The following RRN3 variants were observed in gnomAD, a reference collection of about 807,000 sequenced individuals.
RRN3 encodes RNA polymerase I transcription factor RRN3.
A neutral mutation model predicts 82.3 loss-of-function variants in RRN3; 38 were observed. The observed-to-expected ratio is 0.46, with a 90% CI of 0.36 to 0.61. The LOEUF (loss-of-function observed/expected upper bound fraction) is 0.61, where lower values mean the gene tolerates loss of function less well. Ranked by LOEUF, RRN3 falls within the 20% of genes least tolerant of loss-of-function variation. The probability of loss-of-function intolerance (pLI) is 0.00; values close to 1 mark genes in which losing one functional copy is unlikely to be tolerated. For synonymous variants in RRN3, 284 were observed against 284.3 expected (o/e 1.00, Z 0.01); for missense variants, 726 against 793.1 (o/e 0.92, Z 1.02).
chr16:15,082,393 C>T (rs910288100), intron 8 of RRN3, among the ~76,000 whole-genome samples: 2 of 151,962 alleles, frequency 1.3e-5, no homozygotes, highest in Non-Finnish European at 1.5e-5. Flanking sequence ...TCAATCTCGG[C>T]CGGTCACGGT....
At chr16:15,082,855 A>C (rs1187582063) in intron 8 of RRN3, among the ~76,000 whole-genome samples, 34 of 152,210 alleles carry the variant, frequency 2.2e-4, no homozygotes, top group Admixed American at 2.2e-3. Flanking sequence ...TCTTCTATGG[A>C]AGGCTTTGTC....
intron 3 of RRN3, among the ~76,000 whole-genome samples, chr16:15,089,566 C>T (rs1212506459): frequency 2.0e-5 from 3 of 151,948 alleles, no homozygotes; most frequent in Admixed American, 1.3e-4. Flanking sequence ...TTTGGGAGGC[C>T]AAGGCGGGCG....
At chr16:15,069,524 A>C (rs957035215) in intron 14 of RRN3, among the ~76,000 whole-genome samples, 5 of 152,218 alleles carry the variant, frequency 3.3e-5, no homozygotes, top group Non-Finnish European at 7.3e-5. Flanking sequence ...GAAATTAGCA[A>C]AACAATACTG....
At position 15,076,666 on chromosome 16, in the gene RRN3, A is replaced by G. The variant is rs746469915; in HGVS notation, c.766-16T>C. On this transcript the variant is annotated splice_polypyrimidine_tract_variant and intron_variant, in intron 9 of 17. Coordinates refer to ENST00000198767, the MANE Select transcript of RRN3 (RefSeq NM_018427.5). ...ATGCATTCACCTATAACAAAGGGAG[A>G]AAAAAAAAGAATAAAAGGATTTAAA... 26 of 1,486,190 alleles carry G rather than the reference A, an allele frequency of 1.7e-5. No individual in the cohort carries two copies. Among genetic ancestry groups the G allele is most frequent in the African/African-American group, 2.8e-5 (2 of 71,924 alleles). The allele number at this position is 1,486,190 out of a possible 1,614,324, so 92.1% of individuals were successfully genotyped here. A position where few individuals can be genotyped will look rare whatever the true frequency, so the allele number is the denominator to read the frequency against.
rs2045473266 is a variant in RRN3, at chr16:15,076,745, A to G, written c.766-95T>C. The G allele has an allele frequency of 7.1e-6, 6 of 848,070 alleles. No individual in the cohort carries two copies. In the South Asian group the frequency reaches 8.9e-5, roughly 13 times the overall value. The allele number at this position is 848,070 out of a possible 1,614,324, so 52.5% of individuals were successfully genotyped here. On this transcript the variant is annotated intron_variant, in intron 9 of 17. Coordinates refer to ENST00000198767, the MANE Select transcript of RRN3 (RefSeq NM_018427.5). The stretch of plus-strand genomic sequence containing the variant: ...AATTCATCTGATATACGCATGTTCA[A>G]GGTGTCCAGATTAGTGCCTTATATC...
chr16:15,085,744 C>T, intron 5 of RRN3, 46 bp from the exon 6 acceptor site: 1 of 1,609,246 alleles, frequency 6.2e-7, no homozygotes, highest in Non-Finnish European at 8.5e-7. Flanking sequence ...TTGATCTAGA[C>T]AATGAATGGC....
chr16:15,074,244 T>C (rs1209703450), intron 11 of RRN3, among the ~76,000 whole-genome samples: 1 of 152,246 alleles, frequency 6.6e-6, no homozygotes, highest in East Asian at 1.9e-4. Flanking sequence ...GAGCTCATCT[T>C]AAATCTTAGC....
At chr16:15,069,336 C>T (rs2045121763) in intron 14 of RRN3, among the ~76,000 whole-genome samples, 1 of 152,194 alleles carries the variant, frequency 6.6e-6, no homozygotes, top group African/African-American at 2.4e-5. Flanking sequence ...GGCAATCGTG[C>T]AGGGTTCAGA....
intron 6 of RRN3, 44 bp from the exon 7 acceptor site, chr16:15,084,749 G>A (rs749387241): frequency 7.4e-7 from 1 of 1,357,860 alleles, no homozygotes; most frequent in South Asian, 1.2e-5. Context: ...AAACAAAACT[G>A]AAGGGCGACA....
rs55852324 is a variant in RRN3, at chr16:15,072,245, C to CAA, written c.1128+703_1128+704dup. ...AAGCCTTCTACATTCTTTCCCCCAC[C>CAA]AAAAAAAAAAAAAAAAGAAGAAGAA... On this transcript the variant is annotated intron_variant, in intron 12 of 17. Coordinates refer to ENST00000198767, the MANE Select transcript of RRN3 (RefSeq NM_018427.5). Among the ~76,000 whole-genome samples the CAA allele has an allele frequency of 7.4e-3, 993 of 133,450 alleles. 10 individuals are homozygous for CAA. Among genetic ancestry groups the CAA allele is most frequent in the African/African-American group, 0.025 (890 of 35,392 alleles). 87.5% of individuals were successfully genotyped at this position (133,450 alleles called of 152,430 possible).
intron 17 of RRN3, among the ~76,000 whole-genome samples, chr16:15,062,124 G>C (rs1026197297): frequency 5.3e-5 from 8 of 152,194 alleles, no homozygotes; most frequent in South Asian, 2.1e-4. Flanking sequence ...AATCCAGCCT[G>C]GGCAACATAG....
At chr16:15,089,533 A>G (rs996286520) in intron 3 of RRN3, among the ~76,000 whole-genome samples, 1 of 151,456 alleles carries the variant, frequency 6.6e-6, no homozygotes, top group Non-Finnish European at 1.5e-5. Flanking sequence ...GGGCGTGGTT[A>G]CTCACGCCTC....
rs566140041 is a variant in RRN3 at position 15,077,498 on chromosome 16, C to T, written c.766-848G>A. On this transcript the variant is annotated intron_variant, in intron 9 of 17. Coordinates refer to ENST00000198767, the MANE Select transcript of RRN3 (RefSeq NM_018427.5). Reference sequence around the variant, plus strand: ...CATGTAAGAAGTGCCTTTCACCTCCCGCCATGATTCTGAGGCCTCCCCAGC... The same window carrying T: ...CATGTAAGAAGTGCCTTTCACCTCCTGCCATGATTCTGAGGCCTCCCCAGC... 4.4e-3 allele frequency among the ~76,000 whole-genome samples: 676 copies of T among 152,198 alleles called. 4 individuals are homozygous for T. Among genetic ancestry groups the T allele is most frequent in the Non-Finnish European group, 7.6e-3 (515 of 68,020 alleles).
intron 16 of RRN3, among the ~76,000 whole-genome samples, chr16:15,064,799 C>A (rs1362863199): frequency 4.6e-5 from 7 of 152,226 alleles, no homozygotes; most frequent in African/African-American, 1.4e-4. Flanking sequence ...TGCTCATCAA[C>A]AGCGAGGAAG....
At chr16:15,083,323 C>T (rs528376294) in intron 8 of RRN3, among the ~76,000 whole-genome samples, 190 bp downstream of exon 8, 6 of 152,020 alleles carry the variant, frequency 3.9e-5, no homozygotes, top group African/African-American at 1.4e-4. Flanking sequence ...CGCTTGAACC[C>T]GAGAGGCAGA....
intron 3 of RRN3, among the ~76,000 whole-genome samples, chr16:15,090,873 G>GTT (rs4012873): frequency 4.7e-5 from 6 of 128,188 alleles, no homozygotes; most frequent in Non-Finnish European, 6.7e-5. Context: ...TCAGTGGTTT[G>GTT]TTTTTTTTTT....
intron 17 of RRN3, among the ~76,000 whole-genome samples, chr16:15,062,952 T>G (rs1186380874): frequency 6.6e-6 from 1 of 152,150 alleles, no homozygotes. Context: ...AGCCTTGACC[T>G]CCCACCTCAG....
At chr16:15,074,150 A>G (rs975161435) in intron 11 of RRN3, among the ~76,000 whole-genome samples, 2 of 152,206 alleles carry the variant, frequency 1.3e-5, no homozygotes, top group African/African-American at 4.8e-5. Context: ...TTCTCTAATC[A>G]ACATGTATTA....
At chr16:15,063,704 CAAAAAA>C (rs10664930) in intron 16 of RRN3, among the ~76,000 whole-genome samples, 6 of 89,130 alleles carry the variant, frequency 6.7e-5, no homozygotes, top group Non-Finnish European at 8.1e-5. Flanking sequence ...GACTCTGTCT[CAAAAAA>C]AAAAAAAAAA....
Sources: gnomAD v4.1 joint callset for allele counts (sites outside exome capture counted in the v4.1 genomes callset) on GRCh38, gnomAD v4.1.1 for gene constraint, MANE v1.5 for transcripts, NCBI Gene and HGNC (gene_info 2026-07-23, HGNC 2026-07-21) for gene names.